The following CACNA2D1 variants were observed in gnomAD, a reference collection of about 807,000 sequenced individuals.
CACNA2D1 encodes the protein voltage-dependent calcium channel subunit alpha-2/delta-1.
Under a neutral mutation model 171.5 loss-of-function variants are expected in CACNA2D1, and 53 were observed. The observed-to-expected ratio is 0.31, with a 90% CI of 0.25 to 0.39. The LOEUF (loss-of-function observed/expected upper bound fraction) is 0.39, where lower values mean the gene tolerates loss of function less well. CACNA2D1 is among the 10% of genes least tolerant of loss of function. The pLI, the probability that CACNA2D1 is intolerant of heterozygous loss-of-function variation, is 1.00. For missense variants in CACNA2D1, 903 were observed against 1,299.8 expected (o/e 0.69, Z 4.69); for synonymous variants, 442 against 443.1 (o/e 1.00, Z 0.03).
In CACNA2D1 at chr7:82,373,542, A is replaced by T. The variant is rs936159340; in HGVS notation, c.96-23893T>A. Reference sequence around the variant, plus strand: ...ATACATAATGCACAATTGTATTAAAACACATCGTACTGCCTTGTGACATAG... The same window carrying T: ...ATACATAATGCACAATTGTATTAAATCACATCGTACTGCCTTGTGACATAG... On this transcript the variant is annotated intron_variant, in intron 1 of 38. Transcript: ENST00000356860. Among the ~76,000 whole-genome samples the T allele has an allele frequency of 3.3e-5, 5 of 152,314 alleles. No individual in the cohort carries two copies. The East Asian group carries it at 9.7e-4, about 29-fold the overall frequency.
chr7:82,313,147 T>C (rs1212407864), intron 3 of CACNA2D1, among the ~76,000 whole-genome samples: 1 of 152,126 alleles, frequency 6.6e-6, no homozygotes, highest in African/African-American at 2.4e-5. Context: ...AATCTACCTA[T>C]TTTTTCTTCT....
chr7:82,329,442 A>G (rs1257402490), intron 3 of CACNA2D1, among the ~76,000 whole-genome samples: 2 of 152,182 alleles, frequency 1.3e-5, no homozygotes, highest in Non-Finnish European at 2.9e-5. Context: ...CAAAATGCCT[A>G]GAGACCTTCA....
intron 5 of CACNA2D1, among the ~76,000 whole-genome samples, chr7:82,127,545 G>A (rs527509672): frequency 1.3e-5 from 2 of 152,044 alleles, no homozygotes; most frequent in Non-Finnish European, 2.9e-5. Flanking sequence ...CTTTAGTAGA[G>A]AAGATCAAAC....
At chr7:82,146,629 T>C (rs1793146709) in intron 4 of CACNA2D1, among the ~76,000 whole-genome samples, 1 of 150,954 alleles carries the variant, frequency 6.6e-6, no homozygotes, top group African/African-American at 2.4e-5. Context: ...TCTGGAATGC[T>C]GTATGAAGTG....
chr7:82,170,357 T>TA (rs1010531556), intron 4 of CACNA2D1, among the ~76,000 whole-genome samples, 193 bp downstream of exon 4: 3 of 151,524 alleles, frequency 2.0e-5, no homozygotes, highest in African/African-American at 7.3e-5. Context: ...ATATGGAACA[T>TA]AAAGTACATT....
chr7:82,055,245 G>T (rs537942919), intron 10 of CACNA2D1, among the ~76,000 whole-genome samples: 1 of 152,180 alleles, frequency 6.6e-6, no homozygotes, highest in Admixed American at 6.5e-5. Flanking sequence ...ATACCCTCTG[G>T]ACAGGCAAAA....
intron 1 of CACNA2D1, among the ~76,000 whole-genome samples, chr7:82,383,833 C>T (rs1823992538): frequency 6.6e-6 from 1 of 152,090 alleles, no homozygotes; most frequent in African/African-American, 2.4e-5. Context: ...AAGTTCTTTC[C>T]ATATAAATTA....
chr7:82,409,537 G>C (rs1827418830), intron 1 of CACNA2D1, among the ~76,000 whole-genome samples: 1 of 152,106 alleles, frequency 6.6e-6, no homozygotes, highest in South Asian at 2.1e-4. Flanking sequence ...AAAATCATCT[G>C]GGTAAATTCT....
Position 82,180,146 on chromosome 7 carries a change from C to T in CACNA2D1, c.295-9537G>A, listed in dbSNP as rs550128347. Among the ~76,000 whole-genome samples the T allele has an allele frequency of 6.6e-5, 10 of 152,190 alleles. No individual in the cohort carries two copies. The South Asian group carries it at 1.9e-3, about 28-fold the overall frequency. On this transcript the variant is annotated intron_variant, in intron 3 of 38. Coordinates refer to ENST00000356860, the MANE Select transcript of CACNA2D1 (RefSeq NM_000722.4). ...AGACTAGTTTTTCAAGAATGCATAG[C>T]AAACAGCCTTGGAATATAGAGATAG... is the stretch of plus-strand genomic sequence containing the variant.
rs75828964 is a variant in CACNA2D1 at position 82,049,218 on chromosome 7, C to T, written c.880-10983G>A. ...AATTTGTCCTTTTCTTTGATCTTTT[C>T]TTACTGTCCATAATTTCTTTATGTC... On this transcript the variant is annotated intron_variant, in intron 10 of 38. Coordinates refer to ENST00000356860, the MANE Select transcript of CACNA2D1 (RefSeq NM_000722.4). Among the ~76,000 whole-genome samples the T allele has an allele frequency of 7.4e-3, 1,107 of 148,880 alleles. 14 individuals are homozygous for T. Among genetic ancestry groups the T allele is most frequent in the African/African-American group, 0.026 (1,052 of 40,564 alleles).
intron 1 of CACNA2D1, among the ~76,000 whole-genome samples, chr7:82,418,561 A>G (rs1450740155): frequency 6.6e-6 from 1 of 152,128 alleles, no homozygotes; most frequent in Non-Finnish European, 1.5e-5. Context: ...AAAGTAACAG[A>G]GATTCTGGGC....
At chr7:82,324,803 T>A (rs921336753) in intron 3 of CACNA2D1, among the ~76,000 whole-genome samples, 1 of 152,042 alleles carries the variant, frequency 6.6e-6, no homozygotes, top group Non-Finnish European at 1.5e-5. Flanking sequence ...ATTTATTAAG[T>A]GGAAGAAAAT....
At chr7:82,210,811 C>T (rs922488559) in intron 3 of CACNA2D1, among the ~76,000 whole-genome samples, 1 of 152,110 alleles carries the variant, frequency 6.6e-6, no homozygotes, top group Non-Finnish European at 1.5e-5. Context: ...TGTTGTTTCC[C>T]TTTTTTCTAT....
At chr7:82,181,575 T>G (rs1174890176) in intron 3 of CACNA2D1, among the ~76,000 whole-genome samples, 7 of 152,218 alleles carry the variant, frequency 4.6e-5, no homozygotes, top group Non-Finnish European at 8.8e-5. Context: ...CATTGAAGTT[T>G]GAGAAGCACT....
At chr7:81,966,229 G>A (rs1794698333) in intron 31 of CACNA2D1, among the ~76,000 whole-genome samples, 1 of 151,368 alleles carries the variant, frequency 6.6e-6, no homozygotes, top group Non-Finnish European at 1.5e-5. Context: ...TGAAACACAG[G>A]ATAAATTCCC....
rs773837922 is a variant in CACNA2D1 at position 82,341,402 on chromosome 7, TAAC to T, written c.178-6154_178-6152del. ...TCTGAATTGATGTTAGAATATACTT[TAAC>T]AACAACAAATACAATACAAACAAAA... On this transcript the variant is annotated intron_variant, in intron 2 of 38. Transcript: ENST00000356860. 2.0e-4 allele frequency among the ~76,000 whole-genome samples: 31 copies of T among 152,300 alleles called. 1 individual carries two copies. The highest frequency in any genetic ancestry group is 1.9e-3 in the South Asian group (9 of 4,830).
intron 3 of CACNA2D1, among the ~76,000 whole-genome samples, chr7:82,283,405 A>T (rs1207351274): frequency 6.6e-6 from 1 of 152,232 alleles, no homozygotes; most frequent in Non-Finnish European, 1.5e-5. Flanking sequence ...ATAGCTTATG[A>T]TTTTATAGAA....
Position 82,359,768 on chromosome 7 carries a change from T to A in CACNA2D1, c.96-10119A>T, listed in dbSNP as rs186619451. Among the ~76,000 whole-genome samples the A allele has an allele frequency of 4.6e-3, 704 of 152,314 alleles. 4 individuals carry two copies. Among genetic ancestry groups the A allele is most frequent in the African/African-American group, 0.016 (682 of 41,572 alleles). On this transcript the variant is annotated intron_variant, in intron 1 of 38. Coordinates refer to ENST00000356860, the MANE Select transcript of CACNA2D1 (RefSeq NM_000722.4). ...TATCAGTGTTATTTCTCCAACAATA[T>A]TTAATTTCCTTGAATGGATGGGCCA... is the stretch of plus-strand genomic sequence containing the variant.
chr7:82,408,903 T>C (rs1401170793), intron 1 of CACNA2D1, among the ~76,000 whole-genome samples: 2 of 152,292 alleles, frequency 1.3e-5, no homozygotes, highest in African/African-American at 2.4e-5. Flanking sequence ...GCTTCAAAGA[T>C]ACTAAAGCTT....
Sources: gnomAD v4.1 joint callset for allele counts (sites outside exome capture counted in the v4.1 genomes callset) on GRCh38, gnomAD v4.1.1 for gene constraint, MANE v1.5 for transcripts, NCBI Gene and HGNC (gene_info 2026-07-23, HGNC 2026-07-21) for gene names.